The following ELP4 variants were observed in gnomAD, a reference collection of about 807,000 sequenced individuals.
The protein encoded by ELP4 is elongator acetyltransferase complex subunit 4.
A neutral mutation model predicts 48.9 loss-of-function variants in ELP4; 51 were observed. The ratio of observed to expected loss-of-function variants is 1.04; its 90% CI spans 0.83 to 1.32. The LOEUF is 1.32. Ranked by LOEUF, ELP4 falls within the 40% of genes most tolerant of loss-of-function variation. The probability of loss-of-function intolerance (pLI) is 0.00; values close to 1 mark genes in which losing one functional copy is unlikely to be tolerated. For synonymous variants in ELP4, 210 were observed against 189.2 expected, an observed-to-expected ratio of 1.11 and a Z score of -0.90; for missense variants, 519 against 514.6, an observed-to-expected ratio of 1.01 and a Z score of -0.08.
At chr11:31,739,499 C>G (rs894397827) in intron 9 of ELP4, among the ~76,000 whole-genome samples, 1 of 152,020 alleles carries the variant, frequency 6.6e-6, no homozygotes, top group African/African-American at 2.4e-5. Flanking sequence ...AATACTTCTT[C>G]CAGTGTTTTT....
intron 5 of ELP4, among the ~76,000 whole-genome samples, chr11:31,625,441 TGTG>T (rs1222879760): frequency 1.3e-5 from 2 of 151,726 alleles, no homozygotes; most frequent in Non-Finnish European, 2.9e-5. Flanking sequence ...ATAAAGAAAA[TGTG>T]GTGTACACAC....
intron 9 of ELP4, among the ~76,000 whole-genome samples, chr11:31,661,598 G>A (rs564814241): frequency 5.3e-5 from 8 of 151,912 alleles, no homozygotes; most frequent in South Asian, 2.1e-4. Context: ...ATAAGTGCTC[G>A]TCAAATATTG....
At chr11:31,691,776 A>G (rs1255944207) in intron 9 of ELP4, among the ~76,000 whole-genome samples, 1 of 152,154 alleles carries the variant, frequency 6.6e-6, no homozygotes, top group Non-Finnish European at 1.5e-5. Context: ...TGAACTAGGA[A>G]TGTAAATATT....
intron 3 of ELP4, among the ~76,000 whole-genome samples, chr11:31,575,100 C>G (rs180711525): frequency 2.9e-4 from 44 of 152,224 alleles, no homozygotes; most frequent in African/African-American, 1.1e-3. Flanking sequence ...CTTAAATGAC[C>G]TGATGGAACT....
chr11:31,678,308 G>T (rs1387136119), intron 9 of ELP4, among the ~76,000 whole-genome samples: 1 of 152,036 alleles, frequency 6.6e-6, no homozygotes, highest in African/African-American at 2.4e-5. Flanking sequence ...AATTAGCCAG[G>T]TATGGTGGTG....
intron 3 of ELP4, among the ~76,000 whole-genome samples, chr11:31,569,137 G>C (rs1176195573): frequency 6.6e-6 from 1 of 151,662 alleles, no homozygotes. Flanking sequence ...TAAAACCTCA[G>C]ATTGTAACAA....
At chr11:31,629,676 C>A (rs1240133572) in intron 6 of ELP4, among the ~76,000 whole-genome samples, 1 of 151,626 alleles carries the variant, frequency 6.6e-6, no homozygotes, top group Non-Finnish European at 1.5e-5. Context: ...GGTTAAAATA[C>A]TGTTGATCTT....
intron 7 of ELP4, among the ~76,000 whole-genome samples, chr11:31,636,048 G>C (rs535216520): frequency 6.6e-6 from 1 of 152,028 alleles, no homozygotes; most frequent in Admixed American, 6.6e-5. Context: ...GTAAGTTAGG[G>C]TTTAAATGGT....
chr11:31,769,291 A>G (rs1214637010), intron 9 of ELP4, among the ~76,000 whole-genome samples: 1 of 152,128 alleles, frequency 6.6e-6, no homozygotes, highest in Admixed American at 6.5e-5. Flanking sequence ...GCATTATGCA[A>G]GCAAAGACAT....
intron 9 of ELP4, among the ~76,000 whole-genome samples, chr11:31,729,042 T>A (rs527336281): frequency 1.3e-5 from 2 of 152,320 alleles, no homozygotes; most frequent in African/African-American, 4.8e-5. Context: ...GAGAAAATTC[T>A]AAGGTATTCC....
intron 9 of ELP4, among the ~76,000 whole-genome samples, chr11:31,736,795 T>G (rs1947328440): frequency 6.6e-6 from 1 of 152,184 alleles, no homozygotes; most frequent in Non-Finnish European, 1.5e-5. Context: ...TCACACCAGT[T>G]AGAATGGCGG....
intron 3 of ELP4, among the ~76,000 whole-genome samples, chr11:31,590,728 A>G (rs1592142285): frequency 6.6e-6 from 1 of 152,196 alleles, no homozygotes; most frequent in East Asian, 1.9e-4. Context: ...AATTGAGAAC[A>G]GGCATCTCAC....
chr11:31,520,323 T>C (rs1440883282), intron 2 of ELP4, among the ~76,000 whole-genome samples: 1 of 152,208 alleles, frequency 6.6e-6, no homozygotes, highest in Non-Finnish European at 1.5e-5. Flanking sequence ...AAAATGTTCA[T>C]AGTTCATTGT....
At chr11:31,558,712 A>G (rs1252465310) in intron 3 of ELP4, among the ~76,000 whole-genome samples, 1 of 152,140 alleles carries the variant, frequency 6.6e-6, no homozygotes, top group Non-Finnish European at 1.5e-5. Context: ...TAAAAATGAA[A>G]TATCAGGTTT....
rs765267399 is a variant in ELP4 at position 31,509,881 on chromosome 11, G to T, written c.97G>T (p.Gly33Cys). ...CAACGTCACCAGTTTCCAGAGGAGG[G>T]GTCCTAGAGCCAGCGTGACCAACGA... ...KSNVTSFQRR[G>C]PRASVTNDSG... The change falls in exon 1 of 10, where the codon GGT becomes TGT. Residue 33 changes from glycine (G) to cysteine (C), a missense_variant. By Grantham distance (159) the Gly-to-Cys change is radical. Transcript: ENST00000640961. 45 of 1,614,034 alleles carry T rather than the reference G, an allele frequency of 2.8e-5. No homozygotes were observed. Among genetic ancestry groups the T allele is most frequent in the South Asian group, 2.4e-4 (22 of 91,088 alleles).
intron 1 of ELP4, among the ~76,000 whole-genome samples, chr11:31,515,385 T>C (rs1202735762): frequency 6.6e-6 from 1 of 152,192 alleles, no homozygotes; most frequent in Non-Finnish European, 1.5e-5. Flanking sequence ...TGGTCACTCA[T>C]GCCTGTAATC....
chr11:31,537,291 C>T, intron 2 of ELP4, among the ~76,000 whole-genome samples: 1 of 152,156 alleles, frequency 6.6e-6, no homozygotes, highest in East Asian at 1.9e-4. Context: ...AAAATTATTT[C>T]TCCACCTTTG....
chr11:31,612,916 G>T (rs1052417321), intron 5 of ELP4, among the ~76,000 whole-genome samples: 1 of 152,134 alleles, frequency 6.6e-6, no homozygotes, highest in Non-Finnish European at 1.5e-5. Context: ...ATTTGAAAGT[G>T]ATACTGGAAA....
At chr11:31,618,835 T>G (rs1944553138) in intron 5 of ELP4, among the ~76,000 whole-genome samples, 1 of 152,078 alleles carries the variant, frequency 6.6e-6, no homozygotes, top group Admixed American at 6.6e-5. Context: ...ACTAGAACTA[T>G]TGAACTGTAC....
Sources: allele counts gnomAD v4.1 joint callset (sites outside exome capture counted in the v4.1 genomes callset), GRCh38; gene constraint gnomAD v4.1.1; transcripts MANE v1.5; gene names NCBI Gene and HGNC (gene_info 2026-07-23, HGNC 2026-07-21).